Variants in AOX1 observed in about 807,000 individuals in gnomAD.
AOX1 encodes aldehyde oxidase 1, also known as aldehyde oxidase.
Under a neutral mutation model 169.5 loss-of-function variants are expected in AOX1, and 153 were observed. The observed-to-expected ratio is 0.90, with a 90% CI of 0.79 to 1.03. The LOEUF (loss-of-function observed/expected upper bound fraction) is 1.03. Among genes scored for constraint, AOX1 ranks in the 50% least tolerant of loss-of-function variants. AOX1 has a pLI of 0.00. For synonymous variants in AOX1, 562 were observed against 581.9 expected (o/e 0.97, Z 0.49); for missense variants, 1,656 against 1,663.9 (o/e 1.00, Z 0.08).
At chr2:200,681,455 A>T (rs1298794162), downstream of AOX1, 3 of 152,690 alleles carry the variant, frequency 2.0e-5, no homozygotes, top group East Asian at 5.8e-4. Context: ...GCCACCCAGA[A>T]CTCTCCACAG....
In AOX1 at chr2:200,604,792, A is replaced by G. The variant is rs750120320; in HGVS notation, c.766A>G (p.Lys256Glu). The change falls in exon 9 of 35, where the codon AAA becomes GAA. Residue 256 changes from lysine to glutamate, a missense_variant. Coordinates refer to ENST00000374700, the MANE Select transcript of AOX1 (RefSeq NM_001159.4). ...PVTLKELLEF[K>E]FKYPQAPVIM... Reference sequence around the variant, plus strand: ...GACCCTGAAGGAACTGCTGGAATTTAAATTCAAGTATCCCCAGGCTCCTGT... The same window carrying G: ...GACCCTGAAGGAACTGCTGGAATTTGAATTCAAGTATCCCCAGGCTCCTGT... 1.2e-6 allele frequency: 2 copies of G among 1,614,090 alleles called. No individual in the cohort carries two copies. The highest frequency in any genetic ancestry group is 1.7e-6 in the Non-Finnish European group (2 of 1,179,978).
rs554649469 is a variant in AOX1 at position 200,609,350 on chromosome 2, T to A, written c.1089T>A (p.His363Gln). 1 of 1,614,082 alleles carries A rather than the reference T, an allele frequency of 6.2e-7. No homozygotes were observed. The highest frequency in any genetic ancestry group is 1.7e-5 in the Admixed American group (1 of 60,008). The change falls in exon 12 of 35, where the codon CAT (histidine) becomes CAA (glutamine). Residue 363 changes from histidine to glutamine, a missense_variant. Physicochemically the swap from His to Gln is conservative, Grantham distance 24 (BLOSUM62 0). Transcript: ENST00000374700. Reference protein sequence around the residue: ...ASLGGHIISRHPDSDLNPILA... With the variant: ...ASLGGHIISRQPDSDLNPILA... ...TAGGGGGACACATCATTAGCAGGCA[T>A]CCAGATTCAGATCTGAATCCCATCC...
intron 16 of AOX1, among the ~76,000 whole-genome samples, chr2:200,619,314 G>A (rs1049463556): frequency 1.3e-5 from 2 of 152,112 alleles, no homozygotes; most frequent in African/African-American, 4.8e-5. Context: ...GATGGGAAGG[G>A]GAGGTGTCCA....
At chr2:200,626,481 A>G (rs1248767050) in intron 19 of AOX1, among the ~76,000 whole-genome samples, 1 of 152,246 alleles carries the variant, frequency 6.6e-6, no homozygotes, top group Non-Finnish European at 1.5e-5. Flanking sequence ...TTGCCAGTGG[A>G]CACATGGATT....
At chr2:200,667,480 A>G (rs2715904) in intron 32 of AOX1, among the ~76,000 whole-genome samples, 87,062 of 139,872 alleles carry the variant, frequency 0.62, 26,696 homozygotes, top group East Asian at 0.87. Context: ...ATGACATTGC[A>G]TTATTGGCGA....
intron 19 of AOX1, 28 bp from the exon 20 acceptor site, chr2:200,627,325 C>T (rs1281956175): frequency 3.2e-6 from 5 of 1,540,990 alleles, no homozygotes; most frequent in Admixed American, 1.7e-5. Flanking sequence ...CTTGCCCAAG[C>T]TGCCTCATTC....
intron 18 of AOX1, among the ~76,000 whole-genome samples, chr2:200,621,673 T>A (rs1379470085): frequency 2.7e-5 from 1 of 37,058 alleles, no homozygotes; most frequent in Non-Finnish European, 6.2e-5. Context: ...AGAAGTTCAT[T>A]CATTCTCTCT....
intron 29 of AOX1, among the ~76,000 whole-genome samples, chr2:200,661,363 A>G (rs1198798401): frequency 6.6e-6 from 1 of 152,220 alleles, no homozygotes; most frequent in African/African-American, 2.4e-5. Flanking sequence ...GTATCATACC[A>G]CAGCGGGCAT....
rs71807461 is a variant in AOX1 at position 200,588,726 on chromosome 2, CTTTT to C, written c.45+2591_45+2594del. Reference sequence around the variant, plus strand: ...CTTACATGGAAAGAACTAGAATAAGCTTTTTTTTTTTTTTTTTTTTTGAGATCGA... The same window carrying C: ...CTTACATGGAAAGAACTAGAATAAGCTTTTTTTTTTTTTTTTTGAGATCGA... On this transcript the variant is annotated intron_variant, in intron 1 of 34. Coordinates refer to ENST00000374700, the MANE Select transcript of AOX1 (RefSeq NM_001159.4). 1.4e-3 allele frequency among the ~76,000 whole-genome samples: 78 copies of C among 53,984 alleles called. 3 individuals carry two copies. Among genetic ancestry groups the C allele is most frequent in the African/African-American group, 4.3e-3 (70 of 16,268 alleles). 35.4% of individuals were successfully genotyped at this position (53,984 alleles called of 152,430 possible).
At chr2:200,626,901 C>T (rs375834552) in intron 19 of AOX1, among the ~76,000 whole-genome samples, 3 of 152,226 alleles carry the variant, frequency 2.0e-5, no homozygotes, top group East Asian at 1.9e-4. Context: ...CCTGTTACTT[C>T]CATTTTACAG....
intron 32 of AOX1, among the ~76,000 whole-genome samples, chr2:200,667,702 G>T (rs1240441599): frequency 1.3e-5 from 2 of 152,066 alleles, no homozygotes; most frequent in African/African-American, 4.8e-5. Context: ...TGTGTGGGAG[G>T]GGTGGGCCAT....
rs139813037 is a variant in AOX1 at position 200,638,543 on chromosome 2, T to C, written c.2568+241T>C. The stretch of plus-strand genomic sequence containing the variant: ...ATAAAACACTAAGTGCTAGCTGGTA[T>C]TGGCTGTACAGAGCAAATAACTAGA... On this transcript the variant is annotated intron_variant, in intron 23 of 34. Transcript: ENST00000374700. Among the ~76,000 whole-genome samples, 477 of 152,352 alleles carry C rather than the reference T, an allele frequency of 3.1e-3. 4 individuals carry two copies. Among genetic ancestry groups the C allele is most frequent in the African/African-American group, 0.011 (443 of 41,584 alleles).
At chr2:200,646,303 A>G (rs1432698499) in intron 25 of AOX1, among the ~76,000 whole-genome samples, 1 of 152,136 alleles carries the variant, frequency 6.6e-6, no homozygotes, top group East Asian at 1.9e-4. Flanking sequence ...TTTCCATTTG[A>G]TTTCATTTTT....
chr2:200,638,353 C>T lies in AOX1; in HGVS notation c.2568+51C>T, dbSNP rs1420391861. 4.7e-6 allele frequency: 7 copies of T among 1,496,776 alleles called. No homozygotes were observed. In the East Asian group the frequency reaches 1.4e-4, roughly 29 times the overall value. 92.7% of individuals were successfully genotyped at this position (1,496,776 alleles called of 1,614,324 possible). A position where few individuals can be genotyped will look rare whatever the true frequency, so the allele number is the denominator to read the frequency against. ...GGATTTATGTTGTAGATACAACATC[C>T]TATCAGTGCGCAGGGCAGTCTTTGG... On this transcript the variant is annotated intron_variant, in intron 23 of 34. Transcript: ENST00000374700.
intron 25 of AOX1, among the ~76,000 whole-genome samples, chr2:200,649,886 A>T (rs1377182669): frequency 1.3e-5 from 2 of 152,216 alleles, no homozygotes; most frequent in Admixed American, 1.3e-4. Context: ...CTTTGGACAG[A>T]TGTCACTTTT....
At chr2:200,595,650 G>C (rs2034267651) in intron 3 of AOX1, among the ~76,000 whole-genome samples, 1 of 152,096 alleles carries the variant, frequency 6.6e-6, no homozygotes, top group East Asian at 1.9e-4. Flanking sequence ...AGGATTGCTT[G>C]AGTTTGAGTC....
intron 7 of AOX1, 144 bp from the exon 8 acceptor site, chr2:200,603,873 T>C: frequency 1.6e-6 from 1 of 609,188 alleles, no homozygotes; most frequent in Admixed American, 2.7e-5. Flanking sequence ...AGCCCTTGGT[T>C]TGGAGCGCGG....
chr2:200,667,615 C>G (rs1249680735), intron 32 of AOX1, among the ~76,000 whole-genome samples: 1 of 152,012 alleles, frequency 6.6e-6, no homozygotes, highest in Non-Finnish European at 1.5e-5. Flanking sequence ...GGAAGTCACC[C>G]TACAGAAACA....
At chr2:200,588,726 C>CTTTTTTT (rs71807461) in intron 1 of AOX1, among the ~76,000 whole-genome samples, 584 of 53,946 alleles carry the variant, frequency 0.011, 96 homozygotes, top group African/African-American at 0.033. Context: ...CTAGAATAAG[C>CTTTTTTT]TTTTTTTTTT....
Sources: allele counts gnomAD v4.1 joint callset (sites outside exome capture counted in the v4.1 genomes callset), GRCh38; gene constraint gnomAD v4.1.1; transcripts MANE v1.5; gene names NCBI Gene and HGNC (gene_info 2026-07-23, HGNC 2026-07-21).